The following ANO1 variants were observed in gnomAD, a reference collection of about 807,000 sequenced individuals.
The protein encoded by ANO1 is anoctamin-1.
Under a neutral mutation model 124.0 loss-of-function variants are expected in ANO1, and 59 were observed. The observed-to-expected ratio is 0.48, with a 90% CI of 0.39 to 0.59. The LOEUF (loss-of-function observed/expected upper bound fraction) is 0.59, where lower values mean the gene tolerates loss of function less well. Ranked by LOEUF, ANO1 falls within the 20% of genes least tolerant of loss-of-function variation. The probability of loss-of-function intolerance (pLI) is 0.00; values close to 1 mark genes in which losing one functional copy is unlikely to be tolerated. For synonymous variants in ANO1, 529 were observed against 532.0 expected, an observed-to-expected ratio of 0.99 and a Z score of 0.08; for missense variants, 1,059 against 1,328.0, an observed-to-expected ratio of 0.80 and a Z score of 3.15.
At chr11:70,128,197 C>A (rs540979662) in intron 10 of ANO1, among the ~76,000 whole-genome samples, 1 of 130,364 alleles carries the variant, frequency 7.7e-6, no homozygotes, top group South Asian at 2.8e-4. Flanking sequence ...TCTGAGGAAT[C>A]TGGCTTATCT....
chr11:70,136,500 ATT>A (rs2046961227), intron 11 of ANO1, among the ~76,000 whole-genome samples: 1 of 118,480 alleles, frequency 8.4e-6, no homozygotes, highest in Non-Finnish European at 2.0e-5. Flanking sequence ...CCTTTGGCCG[ATT>A]TCATGTTTGG....
intron 1 of ANO1, among the ~76,000 whole-genome samples, chr11:70,013,799 C>CT (rs1555001446): frequency 2.5e-3 from 39 of 15,882 alleles, no homozygotes; most frequent in African/African-American, 8.5e-3. Context: ...GAGCCTCCAT[C>CT]TAAAAAAAAG....
intron 16 of ANO1, among the ~76,000 whole-genome samples, chr11:70,159,987 C>A (rs2047982621): frequency 6.6e-6 from 1 of 152,074 alleles, no homozygotes; most frequent in Non-Finnish European, 1.5e-5. Context: ...GTGGTAACGG[C>A]CCAGAACATG....
intron 1 of ANO1, among the ~76,000 whole-genome samples, chr11:70,036,363 G>T (rs1408699148): frequency 6.6e-6 from 1 of 152,022 alleles, no homozygotes; most frequent in Non-Finnish European, 1.5e-5. Context: ...GATAATCCAG[G>T]GTGATCTCAT....
At chr11:70,078,768 C>A in intron 1 of ANO1, 54 bp downstream of exon 1, 3 of 1,255,020 alleles carry the variant, frequency 2.4e-6, no homozygotes, top group Non-Finnish European at 3.1e-6. Flanking sequence ...TGCGCCTTGG[C>A]GAGGGCGGGA....
chr11:70,164,519 G>A (rs891339478), intron 19 of ANO1, among the ~76,000 whole-genome samples: 2 of 152,234 alleles, frequency 1.3e-5, no homozygotes, highest in African/African-American at 4.8e-5. Context: ...AGCAGATGGT[G>A]TAATTGCTTT....
At chr11:70,029,082 C>G (rs1856957514) in intron 1 of ANO1, among the ~76,000 whole-genome samples, 1 of 152,218 alleles carries the variant, frequency 6.6e-6, no homozygotes, top group Admixed American at 6.5e-5. Flanking sequence ...GCGTCCAGCC[C>G]AGATCCTAAG....
At chr11:70,134,821 C>T (rs1215711221) in intron 11 of ANO1, among the ~76,000 whole-genome samples, 4 of 152,138 alleles carry the variant, frequency 2.6e-5, no homozygotes, top group Admixed American at 6.5e-5. Flanking sequence ...AAAGCTGCAG[C>T]GTAGGTTTCA....
intron 1 of ANO1, among the ~76,000 whole-genome samples, chr11:70,035,520 C>CTATATATATATATATA (rs34200982): frequency 3.2e-4 from 48 of 147,744 alleles, no homozygotes; most frequent in African/African-American, 1.0e-3. Context: ...TAAGCTGTTG[C>CTATATATATATATATA]TATATATATA....
At chr11:70,115,695 G>A (rs149868695) in intron 7 of ANO1, among the ~76,000 whole-genome samples, 2 of 152,288 alleles carry the variant, frequency 1.3e-5, no homozygotes, top group East Asian at 3.9e-4. Context: ...CCTCGACAGG[G>A]CCGCTCCCTT....
At chr11:70,035,062 CA>C (rs1469963066) in intron 1 of ANO1, among the ~76,000 whole-genome samples, 2 of 152,094 alleles carry the variant, frequency 1.3e-5, no homozygotes, top group Non-Finnish European at 2.9e-5. Flanking sequence ...CTCCAAGGAC[CA>C]GGGGTGCAGT....
At chr11:70,125,645 CCATCCT>C (rs1255493827) in intron 9 of ANO1, among the ~76,000 whole-genome samples, 2 of 151,342 alleles carry the variant, frequency 1.3e-5, no homozygotes, top group African/African-American at 4.9e-5. Context: ...GACATTGAGA[CCATCCT>C]GGCTAACACG....
intron 1 of ANO1, among the ~76,000 whole-genome samples, chr11:70,055,005 T>C (rs1262806647): frequency 2.0e-5 from 3 of 152,228 alleles, no homozygotes; most frequent in Middle Eastern, 6.3e-3. Context: ...GTGATTTAAT[T>C]TTGTTTTATA....
chr11:70,068,765 G>C (rs1857795613), intron 1 of ANO1, among the ~76,000 whole-genome samples: 1 of 152,184 alleles, frequency 6.6e-6, no homozygotes, highest in Admixed American at 6.5e-5. Context: ...CAACTGTTCT[G>C]AAGTGGTGGG....
intron 1 of ANO1, among the ~76,000 whole-genome samples, chr11:70,020,266 C>T (rs1289726499): frequency 4.6e-5 from 7 of 152,212 alleles, no homozygotes; most frequent in Non-Finnish European, 7.3e-5. Flanking sequence ...GCCCAACAGC[C>T]CACTTCCTAT....
chr11:70,165,675 T>TG (rs1393116456), intron 20 of ANO1, 105 bp downstream of exon 20: 10 of 860,200 alleles, frequency 1.2e-5, no homozygotes, highest in Non-Finnish European at 1.8e-5. Flanking sequence ...TCAACCAAGA[T>TG]GGGGGCACTA....
At chr11:70,119,353 G>A (rs1336930991) in intron 8 of ANO1, among the ~76,000 whole-genome samples, 19 of 150,720 alleles carry the variant, frequency 1.3e-4, no homozygotes, top group African/African-American at 4.6e-4. Context: ...ATGGATGATG[G>A]GTGGGTGGAT....
chr11:70,085,779 T>A, intron 1 of ANO1: 1 of 1,304,538 alleles, frequency 7.7e-7, no homozygotes, highest in Non-Finnish European at 1.0e-6. Context: ...TCTCCCCCAC[T>A]GCAGTGCTGA....
intron 9 of ANO1, among the ~76,000 whole-genome samples, chr11:70,125,291 C>T (rs993881404): frequency 6.6e-6 from 1 of 151,746 alleles, no homozygotes; most frequent in Non-Finnish European, 1.5e-5. Context: ...TGCAGTGAGC[C>T]GAGATCGCGC....
Sources: gnomAD v4.1 joint callset for allele counts (sites outside exome capture counted in the v4.1 genomes callset) on GRCh38, gnomAD v4.1.1 for gene constraint, MANE v1.5 for transcripts, NCBI Gene and HGNC (gene_info 2026-07-23, HGNC 2026-07-21) for gene names.